TEX14: variants seen among roughly 807,000 people sequenced by gnomAD.
The protein encoded by TEX14 is inactive serine/threonine-protein kinase TEX14.
A neutral mutation model predicts 178.6 loss-of-function variants in TEX14; 168 were observed. The observed-to-expected ratio is 0.94, with a 90% CI of 0.83 to 1.07. The LOEUF is 1.07. Ranked by LOEUF, TEX14 falls within the 50% of genes least tolerant of loss-of-function variation. The pLI is 0.00. For missense variants in TEX14, 1,730 were observed against 1,753.6 expected (o/e 0.99, Z 0.24); for synonymous variants, 626 against 634.1 (o/e 0.99, Z 0.19).
At chr17:58,570,810 T>C (rs926937560) in intron 24 of TEX14, among the ~76,000 whole-genome samples, 3 of 151,992 alleles carry the variant, frequency 2.0e-5, no homozygotes, top group Non-Finnish European at 2.9e-5. Flanking sequence ...TCTGTATTTT[T>C]AGTAGAGACG....
intron 2 of TEX14, among the ~76,000 whole-genome samples, chr17:58,641,419 C>CA (rs918098059): frequency 6.7e-6 from 1 of 149,656 alleles, no homozygotes; most frequent in African/African-American, 2.4e-5. Context: ...CAAAACAAAA[C>CA]AAAAAAAAAG....
At chr17:58,657,010 C>A (rs2046983720) in intron 1 of TEX14, among the ~76,000 whole-genome samples, 1 of 151,064 alleles carries the variant, frequency 6.6e-6, no homozygotes, top group African/African-American at 2.4e-5. Context: ...GATCTTGCTA[C>A]ATTGCCCAGG....
chr17:58,627,744 T>A (rs1598398768), intron 3 of TEX14, among the ~76,000 whole-genome samples: 1 of 130,946 alleles, frequency 7.6e-6, no homozygotes, highest in Non-Finnish European at 1.6e-5. Context: ...CACTCCAGCC[T>A]GGGTGACAGA....
intron 19 of TEX14, among the ~76,000 whole-genome samples, chr17:58,583,868 T>G (rs2144405139): frequency 6.6e-6 from 1 of 152,354 alleles, no homozygotes; most frequent in East Asian, 1.9e-4. Flanking sequence ...TTTATCACTA[T>G]TGTATTCATA....
At chr17:58,665,657 G>C (rs537989649) in intron 1 of TEX14, among the ~76,000 whole-genome samples, 1 of 151,908 alleles carries the variant, frequency 6.6e-6, no homozygotes, top group African/African-American at 2.4e-5. Context: ...AAGTTCCTAA[G>C]CATTAAATGA....
chr17:58,614,692 G>C (rs974720621), intron 8 of TEX14, among the ~76,000 whole-genome samples: 1 of 152,214 alleles, frequency 6.6e-6, no homozygotes, highest in East Asian at 1.9e-4. Flanking sequence ...TCTTAGGAGA[G>C]AGCTCGATAA....
At chr17:58,597,209 C>T (rs551042426) in intron 14 of TEX14, among the ~76,000 whole-genome samples, 1 of 152,026 alleles carries the variant, frequency 6.6e-6, no homozygotes, top group East Asian at 1.9e-4. Context: ...ACCAGCTGGG[C>T]CAACATGGTG....
chr17:58,605,395 T>C (rs999547537), intron 10 of TEX14, among the ~76,000 whole-genome samples: 4 of 152,206 alleles, frequency 2.6e-5, no homozygotes, highest in African/African-American at 4.8e-5. Context: ...GGTTTTGCCA[T>C]GTTGGCCAGG....
intron 28 of TEX14, among the ~76,000 whole-genome samples, chr17:58,562,533 C>T (rs2044293288): frequency 1.3e-5 from 2 of 151,566 alleles, no homozygotes; most frequent in South Asian, 2.1e-4. Context: ...TTGAGACAGT[C>T]TCGCTCTGTC....
intron 1 of TEX14, among the ~76,000 whole-genome samples, chr17:58,676,501 A>C (rs1037973977): frequency 6.6e-6 from 1 of 152,122 alleles, no homozygotes; most frequent in Non-Finnish European, 1.5e-5. Context: ...CAGAGGTTGC[A>C]GTGAGCCAAG....
chr17:58,627,526 T>G lies in TEX14; in HGVS notation c.251+2914A>C, dbSNP rs573384316. On this transcript the variant is annotated intron_variant, in intron 3 of 31. Coordinates refer to ENST00000349033, the MANE Select transcript of TEX14 (RefSeq NM_031272.5). Reference sequence around the variant, plus strand: ...TGGCTCATGCCTGTAATCTCAGCACTTTGGAAGGCGGAGGCTGGTGGATCA... The same window carrying G: ...TGGCTCATGCCTGTAATCTCAGCACGTTGGAAGGCGGAGGCTGGTGGATCA... Among the ~76,000 whole-genome samples, 37 of 152,172 alleles carry G rather than the reference T, an allele frequency of 2.4e-4. No individual in the cohort carries two copies. The South Asian group carries it at 7.3e-3, about 30-fold the overall frequency.
chr17:58,602,200 C>CTA (rs1463965318), intron 12 of TEX14, among the ~76,000 whole-genome samples, 200 bp downstream of exon 12: 4 of 152,168 alleles, frequency 2.6e-5, no homozygotes, highest in Admixed American at 2.6e-4. Context: ...TGTTGAACCT[C>CTA]CCTAGCTCCC....
At chr17:58,691,592 G>A (rs530914228) in intron 1 of TEX14, among the ~76,000 whole-genome samples, 3 of 151,276 alleles carry the variant, frequency 2.0e-5, no homozygotes, top group South Asian at 2.1e-4. Flanking sequence ...ACTTGAACCC[G>A]GGAGGCGAAG....
In TEX14 at chr17:58,623,044, A is replaced by G. The variant is rs200296242; in HGVS notation, c.252-32T>C. 7.8e-4 allele frequency: 1,231 copies of G among 1,569,784 alleles called. 19 individuals carry two copies. In the South Asian group the frequency reaches 0.013, roughly 17 times the overall value. On this transcript the variant is annotated intron_variant, in intron 3 of 31. Coordinates refer to ENST00000349033, the MANE Select transcript of TEX14 (RefSeq NM_031272.5). ...AGGGAGATGAGTACAATTGATGTCC[A>G]TGGCAATGCTCCTGCATTCCATGGA...
At chr17:58,610,823 T>C (rs771424291) in intron 10 of TEX14, among the ~76,000 whole-genome samples, 1 of 151,590 alleles carries the variant, frequency 6.6e-6, no homozygotes, top group Non-Finnish European at 1.5e-5. Flanking sequence ...GAGGCGGAGG[T>C]TGCAGTGAGC....
At chr17:58,598,754 T>A in intron 14 of TEX14, 122 bp downstream of exon 14, 2 of 1,004,930 alleles carry the variant, frequency 2.0e-6, no homozygotes, top group Non-Finnish European at 3.0e-6. Flanking sequence ...TCAGGTTACC[T>A]GATGGCTTAT....
At chr17:58,582,615 G>A (rs555768679) in intron 19 of TEX14, among the ~76,000 whole-genome samples, 38 of 143,942 alleles carry the variant, frequency 2.6e-4, no homozygotes, top group African/African-American at 7.6e-4. Context: ...CCAGGCTGGC[G>A]TGCAGTGGCA....
intron 2 of TEX14, chr17:58,631,657 T>TA (rs2046300946): frequency 6.6e-6 from 1 of 150,576 alleles, no homozygotes; most frequent in Non-Finnish European, 1.5e-5. Flanking sequence ...CAGACTGCCT[T>TA]CTCTAGAGAA....
chr17:58,562,034 G>C (rs550499147), intron 28 of TEX14, among the ~76,000 whole-genome samples: 9 of 152,070 alleles, frequency 5.9e-5, no homozygotes, highest in African/African-American at 2.2e-4. Flanking sequence ...GCAGTGAGCC[G>C]AGATCACGCG....
Sources: gnomAD v4.1 joint callset for allele counts (sites outside exome capture counted in the v4.1 genomes callset) on GRCh38, gnomAD v4.1.1 for gene constraint, MANE v1.5 for transcripts, NCBI Gene and HGNC (gene_info 2026-07-23, HGNC 2026-07-21) for gene names.